Variants in SORCS3 observed in about 807,000 individuals in gnomAD.
SORCS3 encodes sortilin related VPS10 domain containing receptor 3, also known as VPS10 domain-containing receptor SorCS3.
A neutral mutation model predicts 146.3 loss-of-function variants in SORCS3; 57 were observed. That is an observed-to-expected ratio of 0.39 (90% CI 0.31 to 0.49). The LOEUF is 0.49. Among genes scored for constraint, SORCS3 ranks in the 20% least tolerant of loss-of-function variants. The probability of loss-of-function intolerance (pLI) is 0.92; values close to 1 mark genes in which losing one functional copy is unlikely to be tolerated. For synonymous variants in SORCS3, 653 were observed against 618.5 expected, an observed-to-expected ratio of 1.06 and a Z score of -0.83; for missense variants, 1,341 against 1,575.5, an observed-to-expected ratio of 0.85 and a Z score of 2.52.
At chr10:105,054,206 T>G (rs1378493011) in intron 5 of SORCS3, among the ~76,000 whole-genome samples, 1 of 152,102 alleles carries the variant, frequency 6.6e-6, no homozygotes, top group East Asian at 1.9e-4. Flanking sequence ...TTATAACGTT[T>G]ATTCTTTGGT....
intron 1 of SORCS3, among the ~76,000 whole-genome samples, chr10:104,651,944 TG>T: frequency 1.3e-5 from 2 of 152,274 alleles, no homozygotes; most frequent in East Asian, 3.9e-4. Context: ...TAGGAGTTGA[TG>T]GATAAATATC....
intron 4 of SORCS3, among the ~76,000 whole-genome samples, chr10:105,036,321 G>A (rs73338291): frequency 0.05 from 7,617 of 152,126 alleles, 209 homozygotes; most frequent in Middle Eastern, 0.075. Context: ...CCGTTGGCAC[G>A]AGCCTCACTG....
At chr10:104,779,870 T>C (rs1325055611) in intron 1 of SORCS3, among the ~76,000 whole-genome samples, 1 of 152,114 alleles carries the variant, frequency 6.6e-6, no homozygotes, top group African/African-American at 2.4e-5. Context: ...GCCATGTTGA[T>C]TGGTGAGGGC....
At chr10:105,250,665 C>T (rs2056893367) in intron 22 of SORCS3, among the ~76,000 whole-genome samples, 1 of 152,164 alleles carries the variant, frequency 6.6e-6, no homozygotes, top group Non-Finnish European at 1.5e-5. Flanking sequence ...CCTAGTCTGG[C>T]CTCCTGAGAC....
intron 4 of SORCS3, among the ~76,000 whole-genome samples, chr10:104,988,345 C>T (rs1455649717): frequency 6.6e-6 from 1 of 152,134 alleles, no homozygotes; most frequent in South Asian, 2.1e-4. Flanking sequence ...GGAAACCAAA[C>T]CTTCAAATGA....
At chr10:104,877,149 C>T (rs1238761438) in intron 2 of SORCS3, among the ~76,000 whole-genome samples, 1 of 152,130 alleles carries the variant, frequency 6.6e-6, no homozygotes, top group Non-Finnish European at 1.5e-5. Context: ...CAGCACCCAG[C>T]CAGGTCTTCC....
chr10:105,102,780 CTTTTTTTTTTTT>C (rs1183026265), intron 6 of SORCS3, among the ~76,000 whole-genome samples: 4 of 92,526 alleles, frequency 4.3e-5, no homozygotes, highest in Admixed American at 2.8e-4. Context: ...ACCTCTCAAC[CTTTTTTTTTTTT>C]TTTTTTTTTT....
At chr10:105,169,803 GTTT>G (rs1408020341) in intron 13 of SORCS3, among the ~76,000 whole-genome samples, 1 of 152,102 alleles carries the variant, frequency 6.6e-6, no homozygotes, top group Non-Finnish European at 1.5e-5. Flanking sequence ...AAACAAGCTT[GTTT>G]TTAAACCAAG....
intron 1 of SORCS3, among the ~76,000 whole-genome samples, chr10:104,825,657 G>A (rs2017926446): frequency 6.6e-6 from 1 of 152,176 alleles, no homozygotes; most frequent in African/African-American, 2.4e-5. Flanking sequence ...CCTTTGGAGA[G>A]AATTAAGCCG....
At chr10:104,901,209 A>T (rs2018847556) in intron 2 of SORCS3, among the ~76,000 whole-genome samples, 1 of 152,160 alleles carries the variant, frequency 6.6e-6, no homozygotes, top group Non-Finnish European at 1.5e-5. Flanking sequence ...TAAATGCTTC[A>T]TGTGCATTGC....
At chr10:105,154,024 G>A (rs1047203710) in intron 9 of SORCS3, among the ~76,000 whole-genome samples, 1 of 137,310 alleles carries the variant, frequency 7.3e-6, no homozygotes, top group African/African-American at 2.7e-5. Context: ...GAGCTGAGAT[G>A]GTGCCACTGC....
chr10:104,909,817 A>G (rs538409622), intron 2 of SORCS3, among the ~76,000 whole-genome samples: 6 of 149,850 alleles, frequency 4.0e-5, no homozygotes, highest in South Asian at 2.1e-4. Flanking sequence ...AAAATAGCCC[A>G]TATTCTTATT....
intron 2 of SORCS3, among the ~76,000 whole-genome samples, chr10:104,896,134 G>T (rs976827532): frequency 6.6e-6 from 1 of 151,592 alleles, no homozygotes; most frequent in Non-Finnish European, 1.5e-5. Flanking sequence ...GAGGTAAATT[G>T]TTGCTCTAAG....
At chr10:105,081,269 G>GC (rs1332559494) in intron 5 of SORCS3, among the ~76,000 whole-genome samples, 1 of 151,918 alleles carries the variant, frequency 6.6e-6, no homozygotes, top group Admixed American at 6.6e-5. Context: ...GGAAGTTTTT[G>GC]CCCTGGAAAT....
intron 7 of SORCS3, among the ~76,000 whole-genome samples, chr10:105,124,695 T>A (rs1349565821): frequency 1.3e-5 from 2 of 152,210 alleles, no homozygotes; most frequent in African/African-American, 4.8e-5. Flanking sequence ...TCTTGTTTTC[T>A]TATAATCCAG....
chr10:104,718,863 T>C (rs1158721449), intron 1 of SORCS3, among the ~76,000 whole-genome samples: 2 of 152,098 alleles, frequency 1.3e-5, no homozygotes, highest in Non-Finnish European at 2.9e-5. Context: ...TTAAGAATGT[T>C]GGAAAAAAGA....
rs545773775 is a variant in SORCS3, at chr10:104,974,254, A to G, written c.796-3081A>G. ...AGTTCAATTCCTGGGTATACTTGTT[A>G]ATTTTCTGTCTCATTGATCTGTCTA... On this transcript the variant is annotated intron_variant, in intron 3 of 26. Coordinates refer to ENST00000369701, the MANE Select transcript of SORCS3 (RefSeq NM_014978.3). Among the ~76,000 whole-genome samples, 747 of 152,058 alleles carry G rather than the reference A, an allele frequency of 4.9e-3. 5 individuals carry two copies. Among genetic ancestry groups the G allele is most frequent in the East Asian group, 0.025 (127 of 5,146 alleles).
intron 1 of SORCS3, among the ~76,000 whole-genome samples, chr10:104,659,969 T>G (rs2015679970): frequency 6.6e-6 from 1 of 152,164 alleles, no homozygotes; most frequent in Non-Finnish European, 1.5e-5. Context: ...GAAAGGCCCC[T>G]GCAGAGATGC....
chr10:104,801,493 C>A (rs1472107116), intron 1 of SORCS3, among the ~76,000 whole-genome samples: 1 of 152,180 alleles, frequency 6.6e-6, no homozygotes. Context: ...AGGGCCAGCT[C>A]CCCACCAGCC....
Sources: gnomAD v4.1 joint callset for allele counts (sites outside exome capture counted in the v4.1 genomes callset) on GRCh38, gnomAD v4.1.1 for gene constraint, MANE v1.5 for transcripts, NCBI Gene and HGNC (gene_info 2026-07-23, HGNC 2026-07-21) for gene names.